SH2D4A: variants seen among roughly 807,000 people sequenced by gnomAD.
The protein encoded by SH2D4A is SH2 domain containing 4A.
A neutral mutation model predicts 64.7 loss-of-function variants in SH2D4A; 70 were observed. The observed-to-expected ratio is 1.08, with a 90% CI of 0.89 to 1.32. The LOEUF (loss-of-function observed/expected upper bound fraction) is 1.32. Ranked by LOEUF, SH2D4A falls within the 40% of genes most tolerant of loss-of-function variation. The probability of loss-of-function intolerance (pLI) is 0.00; values close to 1 mark genes in which losing one functional copy is unlikely to be tolerated. For synonymous variants in SH2D4A, 268 were observed against 200.7 expected, an observed-to-expected ratio of 1.34 and a Z score of -2.83; for missense variants, 706 against 540.1, an observed-to-expected ratio of 1.31 and a Z score of -3.04.
chr8:19,358,222 A>C (rs559243596), intron 5 of SH2D4A, among the ~76,000 whole-genome samples: 94 of 152,328 alleles, frequency 6.2e-4, no homozygotes, highest in African/African-American at 2.1e-3. Flanking sequence ...TCGTATATTC[A>C]TCCAAGCAAC....
At chr8:19,334,614 C>T (rs899709504) in intron 3 of SH2D4A, 72 bp from the exon 4 acceptor site, 7 of 1,475,838 alleles carry the variant, frequency 4.7e-6, no homozygotes, top group African/African-American at 2.8e-5. Context: ...ATTTGAATGT[C>T]GACATATGCT....
chr8:19,338,489 T>G (rs1242520566), intron 4 of SH2D4A, among the ~76,000 whole-genome samples: 3 of 152,218 alleles, frequency 2.0e-5, no homozygotes, highest in African/African-American at 7.2e-5. Context: ...CAGGCCCAGC[T>G]TAATCGCATG....
At chr8:19,328,694 A>T (rs1288230185) in intron 2 of SH2D4A, among the ~76,000 whole-genome samples, 1 of 152,154 alleles carries the variant, frequency 6.6e-6, no homozygotes, top group Non-Finnish European at 1.5e-5. Flanking sequence ...TTCTGATCCA[A>T]TCCTTGCACC....
intron 8 of SH2D4A, among the ~76,000 whole-genome samples, chr8:19,383,323 A>T (rs756166539): frequency 6.6e-6 from 1 of 151,352 alleles, no homozygotes; most frequent in Non-Finnish European, 1.5e-5. Context: ...TCCCTGCTTA[A>T]ATCTGCCTGT....
chr8:19,380,512 C>A (rs1001096131), intron 8 of SH2D4A, among the ~76,000 whole-genome samples: 1 of 152,100 alleles, frequency 6.6e-6, no homozygotes, highest in South Asian at 2.1e-4. Context: ...TTAGGTCTTA[C>A]ATTTAAGTCT....
intron 4 of SH2D4A, among the ~76,000 whole-genome samples, chr8:19,335,902 C>T (rs1003797603): frequency 4.6e-5 from 7 of 152,186 alleles, no homozygotes; most frequent in Non-Finnish European, 8.8e-5. Context: ...TTTAATTACA[C>T]TGAGAATTAA....
intron 8 of SH2D4A, among the ~76,000 whole-genome samples, chr8:19,390,166 A>G (rs2053466621): frequency 6.6e-6 from 1 of 152,148 alleles, no homozygotes. Flanking sequence ...AGATCATTTG[A>G]GGCCAGGAGT....
rs1382457878 is a variant in SH2D4A, at chr8:19,393,400, G to A, written c.1131G>A (p.Arg377=). ...GTTTTCTCATCCGAGTCAGTGAAAG[G>A]ATCAAAGGCTATGCCCTGTCCTATC... ...PGSFLIRVSE[R]IKGYALSYLS... Residue 377 remains arginine, a synonymous_variant, in exon 9 of 10, where the codon AGG becomes AGA. Transcript: ENST00000265807. The A allele has an allele frequency of 3.1e-6, 5 of 1,613,996 alleles. No homozygotes were observed. Among genetic ancestry groups the A allele is most frequent in the Non-Finnish European group, 4.2e-6 (5 of 1,179,958 alleles).
intron 4 of SH2D4A, among the ~76,000 whole-genome samples, chr8:19,352,896 C>T (rs2052730118): frequency 6.6e-6 from 1 of 151,948 alleles, no homozygotes; most frequent in Non-Finnish European, 1.5e-5. Flanking sequence ...GTAGTCCCAG[C>T]TACTTTGGGG....
intron 8 of SH2D4A, among the ~76,000 whole-genome samples, chr8:19,377,844 T>C (rs2053222130): frequency 6.6e-6 from 1 of 152,068 alleles, no homozygotes; most frequent in Non-Finnish European, 1.5e-5. Context: ...TCAGAACTCC[T>C]AGGAGGTAGG....
At position 19,364,231 on chromosome 8, in the gene SH2D4A, C is replaced by T. The variant is rs2052948050; in HGVS notation, c.866C>T (p.Pro289Leu). 6.2e-7 allele frequency: 1 copy of T among 1,614,080 alleles called. No homozygotes were observed. The highest frequency in any genetic ancestry group is 8.5e-7 in the Non-Finnish European group (1 of 1,180,010). The change falls in exon 7 of 10, where the codon CCA (proline) becomes CTA (leucine). Residue 289 changes from proline (P) to leucine (L), a missense_variant. Physicochemically the swap from Pro to Leu is moderately conservative, Grantham distance 98. Transcript: ENST00000265807. ...VPQKPERPPL[P>L]PKPQFLNSGA... ...CAGAAACCAGAAAGACCTCCCCTTCCACCCAAGCCTCAGTTCCTAAACTCA... is the reference window on the plus strand; with the variant it reads ...CAGAAACCAGAAAGACCTCCCCTTCTACCCAAGCCTCAGTTCCTAAACTCA...
intron 8 of SH2D4A, among the ~76,000 whole-genome samples, chr8:19,378,524 C>T (rs1585202355): frequency 6.6e-6 from 1 of 152,250 alleles, no homozygotes; most frequent in African/African-American, 2.4e-5. Context: ...CAACCTCTGC[C>T]TCCCAGGTTC....
intron 2 of SH2D4A, among the ~76,000 whole-genome samples, chr8:19,328,871 T>C (rs1490592189): frequency 6.6e-6 from 1 of 152,238 alleles, no homozygotes; most frequent in African/African-American, 2.4e-5. Flanking sequence ...GATGTATGCA[T>C]GGTCTCATAA....
At chr8:19,331,659 A>G (rs1444439230) in intron 2 of SH2D4A, among the ~76,000 whole-genome samples, 6 of 152,352 alleles carry the variant, frequency 3.9e-5, no homozygotes, top group East Asian at 3.9e-4. Context: ...AGGCAGCCAT[A>G]TAAGTAAATA....
intron 4 of SH2D4A, among the ~76,000 whole-genome samples, chr8:19,349,539 C>G (rs1274372104): frequency 6.6e-6 from 1 of 152,162 alleles, no homozygotes; most frequent in Admixed American, 6.5e-5. Flanking sequence ...TTATTGAACT[C>G]ATTAAAAGTA....
intron 2 of SH2D4A, 125 bp from the exon 3 acceptor site, chr8:19,332,830 T>C (rs1214170666): frequency 3.8e-6 from 3 of 780,302 alleles, no homozygotes; most frequent in Non-Finnish European, 5.6e-6. Context: ...TTGGAAGTTC[T>C]TTGTCTCATC....
At chr8:19,363,953 A>G in intron 6 of SH2D4A, 119 bp from the exon 7 acceptor site, 1 of 870,030 alleles carries the variant, frequency 1.1e-6, no homozygotes, top group South Asian at 1.7e-5. Flanking sequence ...GTTCCTTATT[A>G]TAAGCAGACA....
At chr8:19,352,127 G>C (rs1026301942) in intron 4 of SH2D4A, among the ~76,000 whole-genome samples, 1 of 152,186 alleles carries the variant, frequency 6.6e-6, no homozygotes, top group Non-Finnish European at 1.5e-5. Flanking sequence ...TTAGAAGCCA[G>C]TATCAACTGT....
At chr8:19,333,366 T>C (rs1037552612) in intron 3 of SH2D4A, among the ~76,000 whole-genome samples, 3 of 152,196 alleles carry the variant, frequency 2.0e-5, no homozygotes, top group Non-Finnish European at 4.4e-5. Flanking sequence ...TGAAAATCTT[T>C]AGTGCTGTCA....
Sources: gnomAD v4.1 joint callset for allele counts (sites outside exome capture counted in the v4.1 genomes callset) on GRCh38, gnomAD v4.1.1 for gene constraint, MANE v1.5 for transcripts, NCBI Gene and HGNC (gene_info 2026-07-23, HGNC 2026-07-21) for gene names.